Variants in RCOR1 observed in about 807,000 individuals in gnomAD.
RCOR1 encodes the protein REST corepressor.
RCOR1 carries 12 observed loss-of-function variants against 64.0 expected under a neutral mutation model. The ratio of observed to expected loss-of-function variants is 0.19; its 90% CI spans 0.12 to 0.30. RCOR1 has a LOEUF of 0.30. Among genes scored for constraint, RCOR1 ranks in the 10% least tolerant of loss-of-function variants. RCOR1 has a pLI of 1.00. For missense variants in RCOR1, 502 were observed against 621.2 expected, an observed-to-expected ratio of 0.81 and a Z score of 2.04; for synonymous variants, 279 against 227.2, an observed-to-expected ratio of 1.23 and a Z score of -2.05.
chr14:102,593,341 G>T lies in RCOR1; in HGVS notation c.361+16G>T. The T allele has an allele frequency of 6.5e-7, 1 of 1,526,896 alleles. No homozygotes were observed. The highest frequency in any genetic ancestry group is 2.7e-5 in the East Asian group (1 of 37,146). The allele number at this position is 1,526,896 out of a possible 1,614,324, so 94.6% of individuals were successfully genotyped here. Reference sequence around the variant, plus strand: ...TTCGACCCCGGTGAGTAGCGGCCCCGGCCGGCCGGCGGCGGGGATGAGCGG... The same window carrying T: ...TTCGACCCCGGTGAGTAGCGGCCCCTGCCGGCCGGCGGCGGGGATGAGCGG... On this transcript the variant is annotated intron_variant, in intron 2 of 11. Transcript: ENST00000262241.
chr14:102,717,835 A>G (rs1228767873), intron 8 of RCOR1, among the ~76,000 whole-genome samples: 3 of 152,068 alleles, frequency 2.0e-5, no homozygotes, highest in Admixed American at 6.6e-5. Context: ...GTCGCTCACA[A>G]TTATGAAGAG....
At chr14:102,598,152 C>T (rs765106954) in intron 2 of RCOR1, among the ~76,000 whole-genome samples, 4 of 152,154 alleles carry the variant, frequency 2.6e-5, no homozygotes, top group Non-Finnish European at 5.9e-5. Context: ...AGATGGGTTT[C>T]ACCATGTTGG....
intron 3 of RCOR1, among the ~76,000 whole-genome samples, chr14:102,696,461 A>C: frequency 6.6e-6 from 1 of 152,188 alleles, no homozygotes; most frequent in East Asian, 1.9e-4. Context: ...GCCAGGTTGC[A>C]CAGGCAGGCC....
At chr14:102,632,668 CCTTTCCT>C (rs1894144183) in intron 2 of RCOR1, among the ~76,000 whole-genome samples, 2 of 47,974 alleles carry the variant, frequency 4.2e-5, no homozygotes, top group South Asian at 1.7e-3. Flanking sequence ...CCTTTCCTTT[CCTTTCCT>C]TTCCTTTTCC....
At chr14:102,721,848 G>A (rs1896175549) in intron 10 of RCOR1, among the ~76,000 whole-genome samples, 1 of 152,184 alleles carries the variant, frequency 6.6e-6, no homozygotes, top group Non-Finnish European at 1.5e-5. Context: ...CCCAAAAGAA[G>A]CAGACAGAGT....
At chr14:102,712,467 A>G (rs1459316194) in intron 7 of RCOR1, among the ~76,000 whole-genome samples, 2 of 152,120 alleles carry the variant, frequency 1.3e-5, no homozygotes, top group East Asian at 1.9e-4. Flanking sequence ...ATTCTGTCAC[A>G]TGAATGTTTC....
chr14:102,632,973 A>G (rs897099187), intron 2 of RCOR1, among the ~76,000 whole-genome samples: 43 of 151,162 alleles, frequency 2.8e-4, no homozygotes, highest in African/African-American at 1.0e-3. Context: ...ACATCTGGCT[A>G]ATTTTTAAAT....
At chr14:102,658,563 G>A (rs960807609) in intron 2 of RCOR1, 36 of 985,194 alleles carry the variant, frequency 3.7e-5, no homozygotes, top group Non-Finnish European at 3.7e-5. Context: ...CTTTTCTCAG[G>A]AACAGGATGG....
chr14:102,714,217 C>T (rs1896018002), intron 7 of RCOR1, among the ~76,000 whole-genome samples: 2 of 152,112 alleles, frequency 1.3e-5, no homozygotes, highest in South Asian at 4.1e-4. Flanking sequence ...AGGAGTGGAA[C>T]ACAGTTTCAT....
At chr14:102,653,973 TTCTTTCTTTC>T (rs1261442013) in intron 2 of RCOR1, among the ~76,000 whole-genome samples, 1,360 of 49,572 alleles carry the variant, frequency 0.027, 36 homozygotes, top group African/African-American at 0.038. Flanking sequence ...CTTTCTTTCT[TTCTTTCTTTC>T]TTTTTTTTTT....
At chr14:102,604,235 G>C (rs1307397735) in intron 2 of RCOR1, among the ~76,000 whole-genome samples, 1 of 152,154 alleles carries the variant, frequency 6.6e-6, no homozygotes, top group African/African-American at 2.4e-5. Context: ...TTTTTGCCTA[G>C]TATATAGTTA....
At chr14:102,713,409 A>G (rs1339585414) in intron 7 of RCOR1, among the ~76,000 whole-genome samples, 6 of 151,796 alleles carry the variant, frequency 4.0e-5, no homozygotes, top group African/African-American at 1.5e-4. Flanking sequence ...CAGCCTCCCA[A>G]GTAGCTGGGG....
rs1214455269 is a variant in RCOR1, at chr14:102,701,314, G to T, written c.482G>T (p.Gly161Val). The T allele has an allele frequency of 2.5e-6, 4 of 1,611,018 alleles. No homozygotes were observed. Among genetic ancestry groups the T allele is most frequent in the African/African-American group, 1.3e-5 (1 of 74,736 alleles). Reference sequence around the variant, plus strand: ...ATTGCCATTGCCAAAGAAAAGCATGGGTACAACATGGAACAGGTAATATCA... The same window carrying T: ...ATTGCCATTGCCAAAGAAAAGCATGTGTACAACATGGAACAGGTAATATCA... The part of the protein sequence containing the change: ...EYIAIAKEKH[G>V]YNMEQALGML... Residue 161 changes from glycine to valine, a missense_variant, in exon 4 of 12, where the codon GGG (glycine) becomes GTG (valine). Gly to Val is a moderately radical substitution (Grantham distance 109, BLOSUM62 -3). This residue lies in a region of RCOR1 where 260 missense variants were observed against 416.4 expected (regional missense o/e 0.62). Transcript: ENST00000262241.
intron 2 of RCOR1, among the ~76,000 whole-genome samples, chr14:102,664,542 T>C (rs1277320565): frequency 2.0e-5 from 3 of 152,220 alleles, no homozygotes; most frequent in African/African-American, 4.8e-5. Context: ...AGTGCTATTA[T>C]AAAGAGAGAT....
At chr14:102,706,138 A>AC (rs1895853203) in intron 4 of RCOR1, among the ~76,000 whole-genome samples, 2 of 150,154 alleles carry the variant, frequency 1.3e-5, no homozygotes, top group African/African-American at 4.9e-5. Flanking sequence ...AAAAAAAAAA[A>AC]AAAACCTAAA....
At chr14:102,604,862 C>T (rs980661930) in intron 2 of RCOR1, among the ~76,000 whole-genome samples, 2 of 151,804 alleles carry the variant, frequency 1.3e-5, no homozygotes, top group African/African-American at 4.8e-5. Context: ...GCAGGTGGAT[C>T]TCCCAAGGTC....
intron 3 of RCOR1, among the ~76,000 whole-genome samples, chr14:102,686,352 C>T (rs568714150): frequency 1.3e-5 from 2 of 152,094 alleles, no homozygotes; most frequent in Non-Finnish European, 2.9e-5. Flanking sequence ...ATCTTCTGCC[C>T]CCACACACCC....
intron 2 of RCOR1, among the ~76,000 whole-genome samples, chr14:102,645,317 G>A (rs1894457760): frequency 6.6e-6 from 1 of 151,996 alleles, no homozygotes; most frequent in African/African-American, 2.4e-5. Flanking sequence ...TCACAGTCTG[G>A]GTTTGTTCTT....
At chr14:102,593,444 C>A (rs900775821) in intron 2 of RCOR1, 119 bp downstream of exon 2, 5 of 1,087,846 alleles carry the variant, frequency 4.6e-6, no homozygotes, top group South Asian at 3.6e-5. Flanking sequence ...CCCTGCCGTC[C>A]GTGGGGAGAA....
Sources: allele counts gnomAD v4.1 joint callset (sites outside exome capture counted in the v4.1 genomes callset), GRCh38; gene constraint gnomAD v4.1.1; regional missense constraint gnomAD v4.1.1; transcripts MANE v1.5; gene names NCBI Gene and HGNC (gene_info 2026-07-23, HGNC 2026-07-21).